PPP4R3B: variants seen among roughly 807,000 people sequenced by gnomAD.
PPP4R3B encodes protein phosphatase 4 regulatory subunit 3B, also known as serine/threonine-protein phosphatase 4 regulatory subunit 3B.
Under a neutral mutation model 95.4 loss-of-function variants are expected in PPP4R3B, and 52 were observed. That is an observed-to-expected ratio of 0.54 (90% confidence interval 0.44 to 0.69). The LOEUF (loss-of-function observed/expected upper bound fraction) is 0.69, where lower values mean the gene tolerates loss of function less well. Ranked by LOEUF, PPP4R3B falls within the 30% of genes least tolerant of loss-of-function variation. PPP4R3B has a pLI of 0.00. For synonymous variants in PPP4R3B, 407 were observed against 343.9 expected (o/e 1.18, Z -2.03); for missense variants, 1,003 against 1,005.9 (o/e 1.00, Z 0.04).
Position 55,573,786 on chromosome 2 carries a change from G to T in PPP4R3B, c.1607-9C>A. 6.9e-7 allele frequency: 1 copy of T among 1,457,698 alleles called. No homozygotes were observed. The highest frequency in any genetic ancestry group is 2.7e-5 in the East Asian group (1 of 37,718). 90.3% of individuals were successfully genotyped at this position (1,457,698 alleles called of 1,614,324 possible). A position where few individuals can be genotyped will look rare whatever the true frequency, so the allele number is the denominator to read the frequency against. On this transcript the variant is annotated splice_polypyrimidine_tract_variant and intron_variant, in intron 11 of 16. Transcript: ENST00000616407. Reference sequence around the variant, plus strand: ...TGCTGTTTGATAATTATCTACAAAAGAAAGTAATCTCATGAAAATAAATAT... The same window carrying T: ...TGCTGTTTGATAATTATCTACAAAATAAAGTAATCTCATGAAAATAAATAT...
Position 55,585,040 on chromosome 2 carries a change from T to A in PPP4R3B, c.1233+11A>T. ...AGGTAATTCACATAGAACCACAGCA[T>A]TATTACTTACGTCATCACTCTGCTG... is the stretch of plus-strand genomic sequence containing the variant. On this transcript the variant is annotated intron_variant, in intron 7 of 16. Transcript: ENST00000616407. 2 of 1,589,386 alleles carry A rather than the reference T, an allele frequency of 1.3e-6. No individual in the cohort carries two copies. Among genetic ancestry groups the A allele is most frequent in the Non-Finnish European group, 1.7e-6 (2 of 1,160,292 alleles).
intron 2 of PPP4R3B, among the ~76,000 whole-genome samples, chr2:55,607,621 T>C (rs867806426): frequency 5.9e-5 from 9 of 152,316 alleles, no homozygotes; most frequent in Middle Eastern, 3.4e-3. Context: ...CTTAGTTATC[T>C]GGGAGCTCTC....
At chr2:55,581,859 C>G (rs763269903) in intron 7 of PPP4R3B, among the ~76,000 whole-genome samples, 161 bp from the exon 8 acceptor site, 1 of 149,824 alleles carries the variant, frequency 6.7e-6, no homozygotes, top group Non-Finnish European at 1.5e-5. Flanking sequence ...TTTGAAAGTT[C>G]TATAAAATAC....
At position 55,598,467 on chromosome 2, in the gene PPP4R3B, A is replaced by T. The variant is rs765454548; in HGVS notation, c.870T>A (p.Thr290=). ...PSVFEENFLS[T]LTSFIFFNKV... ...TGTTGAAGAAAATAAAAGACGTAAG[A>T]GTAGAAAGAAAATTCTCTTCAAAAA... Residue 290 remains threonine (T), a synonymous_variant, in exon 4 of 17, where the codon ACT becomes ACA. Coordinates refer to ENST00000616407, the MANE Select transcript of PPP4R3B (RefSeq NM_001122964.3). 3.1e-6 allele frequency: 5 copies of T among 1,614,178 alleles called. No individual in the cohort carries two copies. In the East Asian group the frequency reaches 1.1e-4, roughly 36 times the overall value.
chr2:55,555,490 A>G (rs1452134863), intron 16 of PPP4R3B, among the ~76,000 whole-genome samples: 3 of 151,918 alleles, frequency 2.0e-5, no homozygotes, highest in African/African-American at 7.3e-5. Context: ...GAGGTGGGTG[A>G]ATCACTTAAG....
In PPP4R3B at chr2:55,615,857, CAAAA is replaced by C. The variant is rs58981030; in HGVS notation, c.143-355_143-352del. 7.3e-3 allele frequency among the ~76,000 whole-genome samples: 287 copies of C among 39,066 alleles called. 2 individuals are homozygous for C. Among genetic ancestry groups the C allele is most frequent in the African/African-American group, 0.05 (274 of 5,530 alleles). 25.6% of individuals were successfully genotyped at this position (39,066 alleles called of 152,430 possible). ...TGGCAACAGAGCAAGACTCTGTCTC[CAAAA>C]AAAAAAAAAAAAAAAAAAAAATACA... On this transcript the variant is annotated intron_variant, in intron 1 of 16. Coordinates refer to ENST00000616407, the MANE Select transcript of PPP4R3B (RefSeq NM_001122964.3).
chr2:55,590,627 G>A (rs1020899059), intron 4 of PPP4R3B, among the ~76,000 whole-genome samples: 1 of 152,252 alleles, frequency 6.6e-6, no homozygotes, highest in Non-Finnish European at 1.5e-5. Context: ...ATTGTTGGTG[G>A]TTTTAAGCTT....
At chr2:55,601,753 A>G (rs1056687603) in intron 3 of PPP4R3B, among the ~76,000 whole-genome samples, 15 of 152,196 alleles carry the variant, frequency 9.9e-5, no homozygotes, top group Non-Finnish European at 5.9e-5. Flanking sequence ...TTTTCAGGTT[A>G]CATCTACTAC....
Position 55,549,840 on chromosome 2 carries a change from TTC to T in PPP4R3B, c.*69_*70del. 1 of 1,153,772 alleles carries T rather than the reference TTC, an allele frequency of 8.7e-7. No homozygotes were observed. The highest frequency in any genetic ancestry group is 1.2e-5 in the South Asian group (1 of 80,368). The allele number at this position is 1,153,772 out of a possible 1,614,324, so 71.5% of individuals were successfully genotyped here. A position where few individuals can be genotyped will look rare whatever the true frequency, so the allele number is the denominator to read the frequency against. ...AAGTTCAATTGAGAAAGCTTTCTGA[TTC>T]AGATTTTCAGCTCACTGAACAGTTG... On this transcript the variant is annotated 3_prime_UTR_variant, in exon 17 of 17. Transcript: ENST00000616407.
intron 13 of PPP4R3B, chr2:55,565,877 C>A (rs1453291233): frequency 6.5e-6 from 1 of 152,706 alleles, no homozygotes; most frequent in East Asian, 1.9e-4. Context: ...CAACAGAGGA[C>A]ACGTGTTACC....
intron 3 of PPP4R3B, among the ~76,000 whole-genome samples, chr2:55,601,203 T>C (rs546845826): frequency 7.3e-5 from 11 of 150,346 alleles, no homozygotes; most frequent in East Asian, 3.9e-4. Flanking sequence ...AGGGATGACA[T>C]TGTCTCTTAG....
chr2:55,596,500 C>G (rs1054827397), intron 4 of PPP4R3B, among the ~76,000 whole-genome samples: 2 of 152,148 alleles, frequency 1.3e-5, no homozygotes, highest in Non-Finnish European at 2.9e-5. Context: ...CTATTAAAAC[C>G]AGAATGCTAT....
intron 7 of PPP4R3B, among the ~76,000 whole-genome samples, chr2:55,583,473 G>A (rs575501531): frequency 6.6e-6 from 1 of 152,198 alleles, no homozygotes; most frequent in African/African-American, 2.4e-5. Flanking sequence ...AATTAAAACA[G>A]GAATCAAAGC....
intron 14 of PPP4R3B, 81 bp from the exon 15 acceptor site, chr2:55,564,578 C>A: frequency 8.1e-7 from 1 of 1,227,706 alleles, no homozygotes; most frequent in Non-Finnish European, 1.1e-6. Flanking sequence ...TATGTATAAC[C>A]AAGATGAACT....
chr2:55,608,405 C>A lies in PPP4R3B; in HGVS notation c.199-4329G>T, dbSNP rs986332334. Among the ~76,000 whole-genome samples the A allele has an allele frequency of 2.0e-4, 31 of 152,260 alleles. 1 individual carries two copies. Among genetic ancestry groups the A allele is most frequent in the African/African-American group, 6.0e-4 (25 of 41,532 alleles). On this transcript the variant is annotated intron_variant, in intron 2 of 16. Coordinates refer to ENST00000616407, the MANE Select transcript of PPP4R3B (RefSeq NM_001122964.3). ...TTCTTTTCCAATGCTGAGGACTGACCCTGGGAAACAGTCAACGGTTACTGA... is the reference window on the plus strand; with the variant it reads ...TTCTTTTCCAATGCTGAGGACTGACACTGGGAAACAGTCAACGGTTACTGA...
chr2:55,581,154 G>A (rs1689390088), intron 8 of PPP4R3B, among the ~76,000 whole-genome samples: 1 of 152,172 alleles, frequency 6.6e-6, no homozygotes, highest in Non-Finnish European at 1.5e-5. Flanking sequence ...TTGGGAGGCT[G>A]AGGCAGGAGA....
At chr2:55,558,717 ATG>A in intron 16 of PPP4R3B, 56 bp downstream of exon 16, 9 of 1,306,308 alleles carry the variant, frequency 6.9e-6, no homozygotes, top group Non-Finnish European at 9.2e-6. Flanking sequence ...TTCAGTAAAC[ATG>A]AAAAAATCTC....
intron 2 of PPP4R3B, among the ~76,000 whole-genome samples, chr2:55,612,953 A>C (rs1694382881): frequency 6.6e-6 from 1 of 151,866 alleles, no homozygotes; most frequent in African/African-American, 2.4e-5. Flanking sequence ...CTCAAAAAAA[A>C]AAAAAAAATT....
chr2:55,602,235 A>G (rs1191578413), intron 3 of PPP4R3B, among the ~76,000 whole-genome samples: 1 of 152,224 alleles, frequency 6.6e-6, no homozygotes, highest in Non-Finnish European at 1.5e-5. Context: ...GTATATTCAT[A>G]CTGATATTAT....
Sources: gnomAD v4.1 joint callset for allele counts (sites outside exome capture counted in the v4.1 genomes callset) on GRCh38, gnomAD v4.1.1 for gene constraint, MANE v1.5 for transcripts, NCBI Gene and HGNC (gene_info 2026-07-23, HGNC 2026-07-21) for gene names.